Variants in STX18 observed in about 807,000 individuals in gnomAD.
The protein encoded by STX18 is syntaxin 18.
STX18 carries 40 observed loss-of-function variants against 50.1 expected under a neutral mutation model. The observed-to-expected ratio is 0.80, with a 90% CI of 0.62 to 1.04. The LOEUF (loss-of-function observed/expected upper bound fraction) is 1.04. Among genes scored for constraint, STX18 ranks in the 50% least tolerant of loss-of-function variants. The pLI is 0.00. For missense variants in STX18, 410 were observed against 415.8 expected (o/e 0.99, Z 0.12); for synonymous variants, 158 against 151.8 (o/e 1.04, Z -0.30).
intron 1 of STX18, among the ~76,000 whole-genome samples, chr4:4,483,892 G>T (rs1157953480): frequency 6.6e-6 from 1 of 151,506 alleles, no homozygotes; most frequent in Admixed American, 6.6e-5. Context: ...ACAGAGTGTC[G>T]CTCCTGTTGC....
intron 1 of STX18, among the ~76,000 whole-genome samples, chr4:4,508,203 C>T (rs916524680): frequency 1.3e-5 from 2 of 152,160 alleles, no homozygotes; most frequent in Non-Finnish European, 2.9e-5. Flanking sequence ...TATCTGAAAC[C>T]ACTGTTACTT....
chr4:4,435,455 T>C (rs1396722889), intron 6 of STX18, among the ~76,000 whole-genome samples: 1 of 152,226 alleles, frequency 6.6e-6, no homozygotes, highest in African/African-American at 2.4e-5. Flanking sequence ...GTTTTGTGTG[T>C]ATGGCGGCTT....
At chr4:4,497,582 GA>G (rs1278983178) in intron 1 of STX18, among the ~76,000 whole-genome samples, 1 of 152,002 alleles carries the variant, frequency 6.6e-6, no homozygotes, top group Non-Finnish European at 1.5e-5. Flanking sequence ...TTATACATGA[GA>G]AAACTGATTA....
chr4:4,459,403 A>G lies in STX18; in HGVS notation c.321T>C (p.Cys107=). Residue 107 remains cysteine (C), a synonymous_variant, in exon 3 of 11, where the codon TGT becomes TGC. Coordinates refer to ENST00000306200, the MANE Select transcript of STX18 (RefSeq NM_016930.4). Reference sequence around the variant, plus strand: ...TTCGTAGTTGCTGAATTGCTTCTGAACAGGTCCTCATGAATATCTGGGCAT... The same window carrying G: ...TTCGTAGTTGCTGAATTGCTTCTGAGCAGGTCCTCATGAATATCTGGGCAT... ...DQDAQIFMRT[C]SEAIQQLRTE... 6.2e-7 allele frequency: 1 copy of G among 1,614,104 alleles called. No individual in the cohort carries two copies. Among genetic ancestry groups the G allele is most frequent in the Non-Finnish European group, 8.5e-7 (1 of 1,180,004 alleles).
chr4:4,498,791 T>G (rs941444632), intron 1 of STX18, among the ~76,000 whole-genome samples: 3 of 152,162 alleles, frequency 2.0e-5, no homozygotes, highest in Non-Finnish European at 4.4e-5. Context: ...TTTTTTTATT[T>G]GATAAAAAGA....
At chr4:4,504,692 G>A (rs561273097) in intron 1 of STX18, among the ~76,000 whole-genome samples, 94 of 152,214 alleles carry the variant, frequency 6.2e-4, no homozygotes, top group Admixed American at 1.2e-3. Context: ...GAAGGCAAGG[G>A]GGGCACATGA....
Position 4,452,919 on chromosome 4 carries a change from A to G in STX18, c.497+4272T>C, listed in dbSNP as rs529995866. ...TTCCTGAATAACTTTGAGGGGTTCA[A>G]GACTTCAGTGGAGGAAGTCACTGGA... On this transcript the variant is annotated intron_variant, in intron 5 of 10. Coordinates refer to ENST00000306200, the MANE Select transcript of STX18 (RefSeq NM_016930.4). 3.7e-4 allele frequency among the ~76,000 whole-genome samples: 56 copies of G among 152,316 alleles called. 1 individual carries two copies. The highest frequency in any genetic ancestry group is 1.3e-3 in the African/African-American group (55 of 41,576).
intron 1 of STX18, among the ~76,000 whole-genome samples, chr4:4,526,525 G>T (rs970952199): frequency 6.6e-6 from 1 of 152,148 alleles, no homozygotes; most frequent in Non-Finnish European, 1.5e-5. Flanking sequence ...ACAACAAAAC[G>T]TCAAAATGTA....
intron 9 of STX18, among the ~76,000 whole-genome samples, chr4:4,422,724 C>A (rs1287036998): frequency 6.6e-6 from 1 of 152,178 alleles, no homozygotes; most frequent in Non-Finnish European, 1.5e-5. Flanking sequence ...AAGGGCGACT[C>A]CTATGAACCC....
chr4:4,479,038 T>C (rs1728333892), intron 1 of STX18: 1 of 152,386 alleles, frequency 6.6e-6, no homozygotes, highest in Non-Finnish European at 1.5e-5. Context: ...AGCTGAAATT[T>C]TGAGCAAGTT....
At chr4:4,450,641 G>A (rs1426301859) in intron 5 of STX18, among the ~76,000 whole-genome samples, 4 of 152,072 alleles carry the variant, frequency 2.6e-5, no homozygotes, top group Non-Finnish European at 4.4e-5. Context: ...TCTCCTAAAT[G>A]TAACCACCCG....
chr4:4,500,498 T>A (rs1316539306), intron 1 of STX18, among the ~76,000 whole-genome samples: 1 of 152,188 alleles, frequency 6.6e-6, no homozygotes, highest in South Asian at 2.1e-4. Context: ...CTGTAGGTTA[T>A]ACACAAATAC....
intron 1 of STX18, chr4:4,507,910 C>G: frequency 2.0e-6 from 1 of 506,716 alleles, no homozygotes; most frequent in Admixed American, 3.4e-5. Context: ...AGAAAGGAAG[C>G]ATTCCGTATT....
At chr4:4,502,296 T>C (rs1034015617) in intron 1 of STX18, among the ~76,000 whole-genome samples, 25 of 152,146 alleles carry the variant, frequency 1.6e-4, no homozygotes, top group Admixed American at 3.3e-4. Context: ...AACCTTCTTA[T>C]TACCTGAAAA....
At chr4:4,422,975 A>C (rs1026688352) in intron 9 of STX18, among the ~76,000 whole-genome samples, 1 of 152,216 alleles carries the variant, frequency 6.6e-6, no homozygotes. Context: ...AATTTCAGAA[A>C]ATTCACTTGA....
Position 4,420,789 on chromosome 4 carries a change from C to T in STX18, c.912+75G>A. On this transcript the variant is annotated intron_variant, in intron 10 of 10. Coordinates refer to ENST00000306200, the MANE Select transcript of STX18 (RefSeq NM_016930.4). The surrounding 1 kb of genome is among the most constrained non-coding windows in gnomAD (Gnocchi z 4.3). ...CCAGCAAGGCTCCTGGGCAGCTGTG[C>T]CGGCGAGACTAACACCCGCTGCTGG... The T allele has an allele frequency of 1.5e-6, 2 of 1,348,402 alleles. No individual in the cohort carries two copies. The highest frequency in any genetic ancestry group is 2.1e-6 in the Non-Finnish European group (2 of 941,850). The allele number at this position is 1,348,402 out of a possible 1,614,324, so 83.5% of individuals were successfully genotyped here.
At chr4:4,457,331 TGA>T in intron 4 of STX18, 74 bp from the exon 5 acceptor site, 1 of 1,563,548 alleles carries the variant, frequency 6.4e-7, no homozygotes, top group Non-Finnish European at 8.8e-7. Flanking sequence ...TTAAATATAA[TGA>T]GATACTACAG....
chr4:4,498,704 T>C lies in STX18; in HGVS notation c.169-26998A>G, dbSNP rs191827029. ...AGGCAGTCAGGACATTTAAGGAGCA[T>C]AATAAAAAATAGATTATATTCATGT... On this transcript the variant is annotated intron_variant, in intron 1 of 10. Transcript: ENST00000306200. Among the ~76,000 whole-genome samples, 36 of 152,250 alleles carry C rather than the reference T, an allele frequency of 2.4e-4. No homozygotes were observed. In the East Asian group the frequency reaches 6.6e-3, roughly 28 times the overall value.
chr4:4,521,209 G>A (rs1173847413), intron 1 of STX18, among the ~76,000 whole-genome samples: 1 of 152,132 alleles, frequency 6.6e-6, no homozygotes, highest in South Asian at 2.1e-4. Context: ...GTTTCCTTTA[G>A]GTCCCCTCAC....
Sources: allele counts gnomAD v4.1 joint callset (sites outside exome capture counted in the v4.1 genomes callset), GRCh38; gene constraint gnomAD v4.1.1; non-coding constraint Gnocchi (gnomAD v3.1); transcripts MANE v1.5; gene names NCBI Gene and HGNC (gene_info 2026-07-23, HGNC 2026-07-21).